The following HGSNAT variants were observed in gnomAD, a reference collection of about 807,000 sequenced individuals.
HGSNAT encodes the protein transmembrane protein 76.
In HGSNAT, 59 loss-of-function variants were observed where a neutral mutation model predicts 85.2. That is an observed-to-expected ratio of 0.69 (90% CI 0.56 to 0.86). The LOEUF is 0.86. Ranked by LOEUF, HGSNAT falls within the 40% of genes least tolerant of loss-of-function variation. HGSNAT has a pLI of 0.00. For missense variants in HGSNAT, 756 were observed against 777.1 expected (o/e 0.97, Z 0.32); for synonymous variants, 321 against 304.5 (o/e 1.05, Z -0.56).
chr8:43,150,270 A>C (rs1344744994), intron 2 of HGSNAT, among the ~76,000 whole-genome samples: 1 of 151,910 alleles, frequency 6.6e-6, no homozygotes, highest in Non-Finnish European at 1.5e-5. Context: ...AGTTTTTTAT[A>C]AGTAAGATGT....
rs779933668 is a variant in HGSNAT at position 43,193,819 on chromosome 8, C to T, written c.1440C>T (p.Ile480=). The T allele has an allele frequency of 1.4e-5, 22 of 1,613,568 alleles. No individual in the cohort carries two copies. The highest frequency in any genetic ancestry group is 1.6e-5 in the Non-Finnish European group (19 of 1,179,654). The change falls in exon 14 of 18, where the codon ATC becomes ATT. Residue 480 remains isoleucine, a synonymous_variant. Coordinates refer to ENST00000379644, the MANE Select transcript of HGSNAT (RefSeq NM_152419.3). ...PEGILGTINS[I]VMAFLGVQAG... is the part of the protein sequence containing the mutation. ...GCATCCTGGGCACCATCAACTCCAT[C>T]GTGATGGCCTTTTTAGGAGTTCAGG...
rs1472784191 is a variant in HGSNAT, at chr8:43,140,572, G to A, written c.76G>A (p.Gly26Ser). Residue 26 changes from glycine (G) to serine (S), a missense_variant, in exon 1 of 18, where the codon GGC (glycine) becomes AGC (serine). Gly to Ser is a moderately conservative substitution (Grantham distance 56). Coordinates refer to ENST00000379644, the MANE Select transcript of HGSNAT (RefSeq NM_152419.3). ...SVLSAALLAP[G>S]GSSGRDAQAA... ...GCTGAGCGCCGCGCTGCTGGCCCCC[G>A]GCGGCTCTTCGGGGCGCGATGCCCA... The A allele has an allele frequency of 6.5e-6, 8 of 1,225,872 alleles. No homozygotes were observed. Among genetic ancestry groups the A allele is most frequent in the East Asian group, 4.0e-5 (1 of 25,314 alleles). 75.9% of individuals were successfully genotyped at this position (1,225,872 alleles called of 1,614,324 possible).
At chr8:43,178,000 T>C in intron 9 of HGSNAT, 74 bp from the exon 10 acceptor site, 1 of 1,151,198 alleles carries the variant, frequency 8.7e-7, no homozygotes, top group Non-Finnish European at 1.3e-6. Context: ...TTTTATAGCA[T>C]ATTATAAAAT....
chr8:43,158,011 G>T lies in HGSNAT; in HGVS notation c.235-564G>T, dbSNP rs955535570. Among the ~76,000 whole-genome samples the T allele has an allele frequency of 2.6e-5, 4 of 152,250 alleles. No individual in the cohort carries two copies. In the South Asian group the frequency reaches 6.2e-4, roughly 24 times the overall value. On this transcript the variant is annotated intron_variant, in intron 2 of 17. Coordinates refer to ENST00000379644, the MANE Select transcript of HGSNAT (RefSeq NM_152419.3). Reference sequence around the variant, plus strand: ...ATATTAAATTTATGCAAGACTTAATGCAAGACTTAATGTATGTTCTACTTA... The same window carrying T: ...ATATTAAATTTATGCAAGACTTAATTCAAGACTTAATGTATGTTCTACTTA...
At chr8:43,191,652 G>T in intron 12 of HGSNAT, 57 bp downstream of exon 12, 2 of 1,580,356 alleles carry the variant, frequency 1.3e-6, no homozygotes, top group Non-Finnish European at 8.7e-7. Flanking sequence ...CCAGTCAGAG[G>T]TTCTGGGCTT....
In HGSNAT at chr8:43,173,754, G is replaced by T. The variant is rs771396742; in HGVS notation, c.851+11G>T. ...CCTCGTGTTCCCGTGGTGAGTTGCC[G>T]GTCTGCCCTCTTCTCTTCCACGGGT... On this transcript the variant is annotated intron_variant, in intron 9 of 17. Transcript: ENST00000379644. 3 of 1,610,672 alleles carry T rather than the reference G, an allele frequency of 1.9e-6. No individual in the cohort carries two copies. Among genetic ancestry groups the T allele is most frequent in the Admixed American group, 1.7e-5 (1 of 59,506 alleles).
chr8:43,197,130 G>C, intron 15 of HGSNAT, 105 bp downstream of exon 15: 5 of 738,104 alleles, frequency 6.8e-6, no homozygotes, highest in Non-Finnish European at 1.2e-5. Flanking sequence ...GTCACCACAT[G>C]GCAGCAGGTA....
chr8:43,151,560 A>G (rs1173724777), intron 2 of HGSNAT, among the ~76,000 whole-genome samples: 1 of 152,238 alleles, frequency 6.6e-6, no homozygotes, highest in East Asian at 1.9e-4. Flanking sequence ...CACTCATCAT[A>G]TGTTAAGTCA....
rs1803591104 is a variant in HGSNAT, at chr8:43,170,599, C to T, written c.648C>T (p.Pro216=). The T allele has an allele frequency of 1.2e-6, 2 of 1,608,196 alleles. No homozygotes were observed. Among genetic ancestry groups the T allele is most frequent in the Non-Finnish European group, 1.7e-6 (2 of 1,177,278 alleles). Reference sequence around the variant, plus strand: ...TTTTTCTGAAGGAGCTGGGATCTCCCAGCAGGACAGACCCTCTCGATGGTG... The same window carrying T: ...TTTTTCTGAAGGAGCTGGGATCTCCTAGCAGGACAGACCCTCTCGATGGTG... ...DRLINSELGS[P]SRTDPLDGDV... The change falls in exon 7 of 18, where the codon CCC becomes CCT. Residue 216 remains proline (P), a synonymous_variant. Transcript: ENST00000379644.
chr8:43,159,958 A>G (rs1008465052), intron 4 of HGSNAT, among the ~76,000 whole-genome samples: 3 of 152,248 alleles, frequency 2.0e-5, no homozygotes, highest in Non-Finnish European at 2.9e-5. Context: ...GGTTATATCA[A>G]AAGAACGCAG....
chr8:43,192,308 T>A lies in HGSNAT; in HGVS notation c.1255T>A (p.Tyr419Asn), dbSNP rs1220333666. 6.2e-7 allele frequency: 1 copy of A among 1,606,810 alleles called. No individual in the cohort carries two copies. Among genetic ancestry groups the A allele is most frequent in the East Asian group, 2.2e-5 (1 of 44,808 alleles). The change falls in exon 13 of 18, where the codon TAT becomes AAT. Residue 419 changes from tyrosine to asparagine, a missense_variant. Transcript: ENST00000379644. ...ATATGCTTTTCACCTTCCTAGTGGT[T>A]ATCTTGGTCCTGGGGGCATTGGAGA... ...LLPVPGCPTG[Y>N]LGPGGIGDFG...
At chr8:43,181,767 A>G (rs1035063282) in intron 10 of HGSNAT, 46 of 197,632 alleles carry the variant, frequency 2.3e-4, no homozygotes, top group African/African-American at 8.9e-4. Flanking sequence ...TGGGCCTGCA[A>G]GGTCCTAGCA....
chr8:43,173,119 G>A (rs1024802479), intron 8 of HGSNAT, among the ~76,000 whole-genome samples: 1 of 152,008 alleles, frequency 6.6e-6, no homozygotes, highest in African/African-American at 2.4e-5. Context: ...TGAGTAGCTG[G>A]GACTACAGGT....
chr8:43,182,244 C>G lies in HGSNAT; in HGVS notation c.1112C>G (p.Pro371Arg). The change falls in exon 11 of 18, where the codon CCT (proline) becomes CGT (arginine). Residue 371 changes from proline (P) to arginine (R), a missense_variant. Transcript: ENST00000379644. The part of the protein sequence containing the change: ...VLELLFAKPV[P>R]EHCASERSCL... ...GAGCTCCTCTTTGCTAAACCTGTGCCTGAACATTGTGCCTCGGTGAGAAAC... is the reference window on the plus strand; with the variant it reads ...GAGCTCCTCTTTGCTAAACCTGTGCGTGAACATTGTGCCTCGGTGAGAAAC... The G allele has an allele frequency of 6.2e-7, 1 of 1,613,268 alleles. No homozygotes were observed.
intron 4 of HGSNAT, 149 bp from the exon 5 acceptor site, chr8:43,161,289 C>T (rs1178869325): frequency 3.4e-6 from 2 of 588,226 alleles, no homozygotes; most frequent in Non-Finnish European, 6.0e-6. Flanking sequence ...ACAATTATCA[C>T]TCCCTTCAGG....
intron 13 of HGSNAT, 54 bp from the exon 14 acceptor site, chr8:43,193,703 G>A (rs1804616081): frequency 2.6e-6 from 3 of 1,173,566 alleles, no homozygotes; most frequent in Non-Finnish European, 3.8e-6. Flanking sequence ...GGAGCTGTTT[G>A]TACGTGTTTT....
At chr8:43,151,989 A>G (rs1802936165) in intron 2 of HGSNAT, among the ~76,000 whole-genome samples, 1 of 152,186 alleles carries the variant, frequency 6.6e-6, no homozygotes, top group African/African-American at 2.4e-5. Context: ...ATTTATGTTA[A>G]TCAGAAAGAA....
intron 9 of HGSNAT, among the ~76,000 whole-genome samples, chr8:43,177,236 T>C (rs1023135540): frequency 6.6e-6 from 1 of 152,072 alleles, no homozygotes; most frequent in Admixed American, 6.6e-5. Flanking sequence ...AAATCAGTAT[T>C]CTAACTTTTT....
chr8:43,167,207 T>C (rs1803461083), intron 5 of HGSNAT, among the ~76,000 whole-genome samples: 1 of 152,180 alleles, frequency 6.6e-6, no homozygotes, highest in Non-Finnish European at 1.5e-5. Flanking sequence ...ATCACATAAA[T>C]GTAGTTGGTA....
Sources: allele counts gnomAD v4.1 joint callset (sites outside exome capture counted in the v4.1 genomes callset), GRCh38; gene constraint gnomAD v4.1.1; transcripts MANE v1.5; gene names NCBI Gene and HGNC (gene_info 2026-07-23, HGNC 2026-07-21).